Variants in LANCL2 observed in about 807,000 individuals in gnomAD.
The protein encoded by LANCL2 is lanC-like protein 2.
In LANCL2, 33 loss-of-function variants were observed where a neutral mutation model predicts 56.9. The observed-to-expected ratio is 0.58, with a 90% CI of 0.44 to 0.78. The LOEUF is 0.78. Among genes scored for constraint, LANCL2 ranks in the 30% least tolerant of loss-of-function variants. The pLI, the probability that LANCL2 is intolerant of heterozygous loss-of-function variation, is 0.00. For missense variants in LANCL2, 562 were observed against 580.2 expected, an observed-to-expected ratio of 0.97 and a Z score of 0.32; for synonymous variants, 233 against 228.2, an observed-to-expected ratio of 1.02 and a Z score of -0.19.
rs1160947303 is a variant in LANCL2, at chr7:55,402,763, G to A, written c.825+1443G>A. The stretch of plus-strand genomic sequence containing the variant: ...CGGAGACGCTCCTCACTTCTCAGAC[G>A]GGGCGGTTGCCGGGCGGAGGGTCTC... On this transcript the variant is annotated intron_variant, in intron 5 of 8. Transcript: ENST00000254770. Among the ~76,000 whole-genome samples the A allele has an allele frequency of 1.6e-5, 2 of 125,884 alleles. 1 individual carries two copies. The highest frequency in any genetic ancestry group is 6.3e-5 in the African/African-American group (2 of 31,648). The allele number at this position is 125,884 out of a possible 152,430, so 82.6% of individuals were successfully genotyped here. A position where few individuals can be genotyped will look rare whatever the true frequency, so the allele number is the denominator to read the frequency against.
chr7:55,402,152 C>G (rs1281593803), intron 5 of LANCL2, among the ~76,000 whole-genome samples: 2 of 140,028 alleles, frequency 1.4e-5, no homozygotes, highest in Non-Finnish European at 3.2e-5. Context: ...CCGGACGGGG[C>G]GGCTGGCCGG....
intron 5 of LANCL2, among the ~76,000 whole-genome samples, chr7:55,405,963 A>C (rs1373725886): frequency 6.6e-6 from 1 of 152,182 alleles, no homozygotes; most frequent in African/African-American, 2.4e-5. Context: ...TTGTCAGTGC[A>C]GAACTACGAT....
At chr7:55,367,358 A>G (rs1285456543) in intron 1 of LANCL2, among the ~76,000 whole-genome samples, 1 of 152,246 alleles carries the variant, frequency 6.6e-6, no homozygotes, top group East Asian at 1.9e-4. Context: ...TAATTTTGAA[A>G]GAGCCATTGG....
chr7:55,404,907 T>C (rs1790387521), intron 5 of LANCL2, among the ~76,000 whole-genome samples: 1 of 152,198 alleles, frequency 6.6e-6, no homozygotes, highest in Non-Finnish European at 1.5e-5. Context: ...TGAATTTTCT[T>C]CATGATGCAG....
rs919685501 is a variant in LANCL2, at chr7:55,427,394, G to A, written c.1186-981G>A. On this transcript the variant is annotated intron_variant, in intron 7 of 8. Coordinates refer to ENST00000254770, the MANE Select transcript of LANCL2 (RefSeq NM_018697.4). ...CTCCTCTTTTGGAAAGATTGCTGTA[G>A]TCCCAGTAGGAAGAATGAGGCGGGC... is the stretch of plus-strand genomic sequence containing the variant. Among the ~76,000 whole-genome samples, 7 of 152,354 alleles carry A rather than the reference G, an allele frequency of 4.6e-5. No homozygotes were observed. The East Asian group carries it at 1.3e-3, about 29-fold the overall frequency.
intron 5 of LANCL2, among the ~76,000 whole-genome samples, chr7:55,406,620 T>C (rs572293055): frequency 1.3e-5 from 2 of 152,310 alleles, no homozygotes; most frequent in South Asian, 2.1e-4. Context: ...TTGGTTCTTA[T>C]TTCTCATTGT....
At chr7:55,417,059 A>G (rs1253052397) in intron 6 of LANCL2, among the ~76,000 whole-genome samples, 1 of 145,650 alleles carries the variant, frequency 6.9e-6, no homozygotes, top group East Asian at 2.0e-4. Flanking sequence ...TGCTCACTAC[A>G]AGCTCCGCCT....
rs756298150 is a variant in LANCL2, at chr7:55,428,365, T to G, written c.1186-10T>G. 1.9e-6 allele frequency: 3 copies of G among 1,613,158 alleles called. No homozygotes were observed. Among genetic ancestry groups the G allele is most frequent in the Middle Eastern group, 3.3e-4 (2 of 6,062 alleles). On this transcript the variant is annotated splice_polypyrimidine_tract_variant and intron_variant, in intron 7 of 8. Transcript: ENST00000254770. The stretch of plus-strand genomic sequence containing the variant: ...ACTCCAGTCTTAAAAAGAAATCCCT[T>G]TCTTTTCAGTTTGCAGAGTGGTGTC...
chr7:55,388,403 A>G (rs1790148631), intron 1 of LANCL2, among the ~76,000 whole-genome samples: 1 of 152,106 alleles, frequency 6.6e-6, no homozygotes, highest in African/African-American at 2.4e-5. Context: ...AAAATTAGCC[A>G]GGTGTGGTGG....
chr7:55,390,624 T>C (rs1354053873), intron 1 of LANCL2, among the ~76,000 whole-genome samples: 1 of 151,558 alleles, frequency 6.6e-6, no homozygotes, highest in African/African-American at 2.4e-5. Flanking sequence ...CTACTAAAAA[T>C]ACAAAAATTA....
chr7:55,389,941 C>T (rs1340070624), intron 1 of LANCL2, among the ~76,000 whole-genome samples: 2 of 152,138 alleles, frequency 1.3e-5, no homozygotes, highest in East Asian at 1.9e-4. Flanking sequence ...GTTCTGGGGC[C>T]TCATGGCACT....
At chr7:55,400,216 G>C in intron 4 of LANCL2, 112 bp downstream of exon 4, 1 of 930,400 alleles carries the variant, frequency 1.1e-6, no homozygotes, top group South Asian at 4.0e-5. Context: ...CTTTTTTAAA[G>C]CAACTCATCA....
chr7:55,381,093 A>G lies in LANCL2; in HGVS notation c.205-10700A>G, dbSNP rs146466424. On this transcript the variant is annotated intron_variant, in intron 1 of 8. Coordinates refer to ENST00000254770, the MANE Select transcript of LANCL2 (RefSeq NM_018697.4). ...ACCATGTTGGCCAGGCTGGTCCTGA[A>G]CTCCTGACCTCAGGTGTTCTACCCA... Among the ~76,000 whole-genome samples the G allele has an allele frequency of 4.1e-3, 616 of 151,742 alleles. 4 individuals are homozygous for G. The highest frequency in any genetic ancestry group is 0.013 in the African/African-American group (552 of 41,358).
chr7:55,423,197 A>C (rs140779738), intron 6 of LANCL2, among the ~76,000 whole-genome samples: 129 of 152,352 alleles, frequency 8.5e-4, no homozygotes, highest in African/African-American at 2.8e-3. Flanking sequence ...CGCTGTTAGA[A>C]GTAGCTGTTT....
At chr7:55,403,178 C>T (rs1330827872) in intron 5 of LANCL2, among the ~76,000 whole-genome samples, 8 of 152,378 alleles carry the variant, frequency 5.3e-5, no homozygotes, top group African/African-American at 1.4e-4. Context: ...AACGCGACTC[C>T]GTCTGCCATC....
At chr7:55,416,081 A>T (rs1790536108) in intron 6 of LANCL2, among the ~76,000 whole-genome samples, 3 of 152,092 alleles carry the variant, frequency 2.0e-5, no homozygotes, top group African/African-American at 7.2e-5. Flanking sequence ...TTAGTTTTAG[A>T]AATTGCCACT....
At chr7:55,403,450 A>AGAGGGAGAGGAGGGT (rs1790366476) in intron 5 of LANCL2, among the ~76,000 whole-genome samples, 1 of 150,982 alleles carries the variant, frequency 6.6e-6, no homozygotes, top group African/African-American at 2.4e-5. Context: ...AGGGAGAGGG[A>AGAGGGAGAGGAGGGT]GAGGGAGAGG....
At chr7:55,368,561 TA>T (rs1241128094) in intron 1 of LANCL2, among the ~76,000 whole-genome samples, 3 of 151,756 alleles carry the variant, frequency 2.0e-5, no homozygotes, top group Non-Finnish European at 4.4e-5. Context: ...TCCCTATTAA[TA>T]TTTTTTATGA....
intron 2 of LANCL2, among the ~76,000 whole-genome samples, chr7:55,396,530 T>A (rs1273648824): frequency 6.6e-6 from 1 of 152,182 alleles, no homozygotes; most frequent in Non-Finnish European, 1.5e-5. Flanking sequence ...GGCGTGGGGA[T>A]GGGAGGCACT....
Sources: gnomAD v4.1 joint callset for allele counts (sites outside exome capture counted in the v4.1 genomes callset) on GRCh38, gnomAD v4.1.1 for gene constraint, MANE v1.5 for transcripts, NCBI Gene and HGNC (gene_info 2026-07-23, HGNC 2026-07-21) for gene names.